Variants in LAMC3 observed in about 807,000 individuals in gnomAD.
LAMC3 encodes laminin subunit gamma-3.
LAMC3 carries 128 observed loss-of-function variants against 173.8 expected under a neutral mutation model. The ratio of observed to expected loss-of-function variants is 0.74; its 90% confidence interval spans 0.64 to 0.85. The LOEUF is 0.85. LAMC3 is among the 40% of genes least tolerant of loss of function. The pLI, the probability that LAMC3 is intolerant of heterozygous loss-of-function variation, is 0.00. For missense variants in LAMC3, 2,022 were observed against 2,156.0 expected, an observed-to-expected ratio of 0.94 and a Z score of 1.23; for synonymous variants, 897 against 909.1, an observed-to-expected ratio of 0.99 and a Z score of 0.24.
In LAMC3 at chr9:131,060,743, C is replaced by T. The variant is rs117684027; in HGVS notation, c.2159-292C>T. 2.2e-4 allele frequency among the ~76,000 whole-genome samples: 33 copies of T among 152,202 alleles called. No homozygotes were observed. The East Asian group carries it at 3.3e-3, about 15-fold the overall frequency. Reference sequence around the variant, plus strand: ...AATGCATGGTCTTGTTGGACCCTGACGAGAACCCTTTGAAGTCAGTGCTGT... The same window carrying T: ...AATGCATGGTCTTGTTGGACCCTGATGAGAACCCTTTGAAGTCAGTGCTGT... On this transcript the variant is annotated intron_variant, in intron 12 of 27. Coordinates refer to ENST00000361069, the MANE Select transcript of LAMC3 (RefSeq NM_006059.4).
chr9:131,052,375 C>A, intron 9 of LAMC3, 116 bp from the exon 10 acceptor site: 1 of 979,748 alleles, frequency 1.0e-6, no homozygotes, highest in Non-Finnish European at 1.6e-6. Flanking sequence ...TTTTGATTTT[C>A]TACCCACTGC....
At chr9:131,021,595 C>A (rs755470790) in intron 1 of LAMC3, among the ~76,000 whole-genome samples, 2 of 152,186 alleles carry the variant, frequency 1.3e-5, no homozygotes, top group Admixed American at 6.5e-5. Flanking sequence ...CCCCACCCAA[C>A]AAGCAGCGGT....
In LAMC3 at chr9:131,087,471, C is replaced by G. The variant is rs377305119; in HGVS notation, c.4231-5C>G. On this transcript the variant is annotated splice_polypyrimidine_tract_variant and splice_region_variant and intron_variant, in intron 25 of 27. Transcript: ENST00000361069. Reference sequence around the variant, plus strand: ...TTCTCCCTGCCACTGCCACCCATCCCATAGCTTGCCAAGGCCTTGCTGAGG... The same window carrying G: ...TTCTCCCTGCCACTGCCACCCATCCGATAGCTTGCCAAGGCCTTGCTGAGG... 3.0e-5 allele frequency: 49 copies of G among 1,613,772 alleles called. No individual in the cohort carries two copies. Among genetic ancestry groups the G allele is most frequent in the East Asian group, 2.7e-4 (12 of 44,890 alleles).
intron 4 of LAMC3, among the ~76,000 whole-genome samples, chr9:131,037,223 CAG>C (rs893682337): frequency 6.6e-6 from 1 of 152,226 alleles, no homozygotes; most frequent in Non-Finnish European, 1.5e-5. Context: ...GGTGGGGACA[CAG>C]AGGCCAGACT....
At chr9:131,015,277 TGC>T (rs1458104476) in intron 1 of LAMC3, among the ~76,000 whole-genome samples, 2 of 152,226 alleles carry the variant, frequency 1.3e-5, no homozygotes, top group African/African-American at 2.4e-5. Context: ...CCCCCAGCCT[TGC>T]AGGTGCCTCC....
rs375139277 is a variant in LAMC3 at position 131,039,017 on chromosome 9, G to C, written c.1130G>C (p.Arg377Pro). ...CQENFYHWDP[R>P]MPCQPCDCQS... is the part of the protein sequence containing the mutation. Reference sequence around the variant, plus strand: ...GAGAATTTCTATCACTGGGACCCGCGGATGCCATGCCAGCCCTGTGACTGC... The same window carrying C: ...GAGAATTTCTATCACTGGGACCCGCCGATGCCATGCCAGCCCTGTGACTGC... Residue 377 changes from arginine (R) to proline (P), a missense_variant, in exon 5 of 28, where the codon CGG becomes CCG. By Grantham distance (103) the Arg-to-Pro change is moderately radical. Coordinates refer to ENST00000361069, the MANE Select transcript of LAMC3 (RefSeq NM_006059.4). 6.2e-7 allele frequency: 1 copy of C among 1,613,540 alleles called. No homozygotes were observed. Among genetic ancestry groups the C allele is most frequent in the Admixed American group, 1.7e-5 (1 of 60,020 alleles).
intron 1 of LAMC3, among the ~76,000 whole-genome samples, chr9:131,015,161 C>T (rs1833497447): frequency 6.6e-6 from 1 of 152,200 alleles, no homozygotes; most frequent in Admixed American, 6.5e-5. Flanking sequence ...TGCCCAAGGC[C>T]ACAGAGCCAG....
chr9:131,048,969 C>T, intron 8 of LAMC3, 51 bp from the exon 9 acceptor site: 2 of 1,223,180 alleles, frequency 1.6e-6, no homozygotes, highest in South Asian at 1.4e-5. Flanking sequence ...ACCTGGAGAC[C>T]ACCCTCCGGG....
At position 131,056,967 on chromosome 9, in the gene LAMC3, C is replaced by A. The variant is rs374264939; in HGVS notation, c.1978C>A (p.Arg660=). ...FLTEVRLTSA[R]PGLSPPASWV... ...GACTGAGGTCCGGCTCACATCCGCC[C>A]GGCCAGGGCTTTCCCCGCCAGCCTC... The change falls in exon 12 of 28, where the codon CGG becomes AGG. Residue 660 remains arginine, a synonymous_variant. Coordinates refer to ENST00000361069, the MANE Select transcript of LAMC3 (RefSeq NM_006059.4). The A allele has an allele frequency of 1.2e-6, 2 of 1,613,792 alleles. No homozygotes were observed. Among genetic ancestry groups the A allele is most frequent in the African/African-American group, 1.3e-5 (1 of 75,058 alleles).
intron 1 of LAMC3, among the ~76,000 whole-genome samples, chr9:131,010,501 G>T (rs1200918698): frequency 2.0e-5 from 3 of 152,224 alleles, no homozygotes; most frequent in Non-Finnish European, 4.4e-5. Flanking sequence ...TCCTAGACCA[G>T]AACTGTTGGG....
At position 131,091,889 on chromosome 9, in the gene LAMC3, G is replaced by A; in HGVS notation, c.*102G>A. The A allele has an allele frequency of 1.4e-6, 2 of 1,441,148 alleles. No individual in the cohort carries two copies. 89.3% of individuals were successfully genotyped at this position (1,441,148 alleles called of 1,614,324 possible). The stretch of plus-strand genomic sequence containing the variant: ...TGTGCCCATACAGACATTCCCCGGA[G>A]CCGGCTGCTGTGAACTCGCCCCCGT... On this transcript the variant is annotated 3_prime_UTR_variant, in exon 28 of 28. Transcript: ENST00000361069.
intron 13 of LAMC3, among the ~76,000 whole-genome samples, chr9:131,064,484 A>G (rs1325382389): frequency 1.3e-5 from 2 of 150,946 alleles, no homozygotes; most frequent in African/African-American, 4.9e-5. Flanking sequence ...TAACACGGTG[A>G]AACCCCATCT....
intron 9 of LAMC3, among the ~76,000 whole-genome samples, 161 bp from the exon 10 acceptor site, chr9:131,052,330 G>A (rs907363959): frequency 6.6e-6 from 1 of 152,176 alleles, no homozygotes; most frequent in Admixed American, 6.5e-5. Context: ...CAGAGGTGTG[G>A]GTGGGCCCCC....
chr9:131,047,879 A>G (rs902768850), intron 8 of LAMC3, among the ~76,000 whole-genome samples: 6 of 150,932 alleles, frequency 4.0e-5, no homozygotes, highest in African/African-American at 7.3e-5. Context: ...AAAGAAAACA[A>G]GTAGTTTTTA....
intron 1 of LAMC3, among the ~76,000 whole-genome samples, chr9:131,012,060 C>CACACAG (rs1382067804): frequency 7.4e-6 from 1 of 135,862 alleles, no homozygotes; most frequent in Non-Finnish European, 1.6e-5. Context: ...CACACACACA[C>CACACAG]ATACACACAC....
At chr9:131,059,416 C>T (rs1829762120) in intron 12 of LAMC3, among the ~76,000 whole-genome samples, 1 of 134,846 alleles carries the variant, frequency 7.4e-6, no homozygotes, top group Non-Finnish European at 1.5e-5. Context: ...TGTTTGAACC[C>T]AGGGGGCGGA....
intron 7 of LAMC3, among the ~76,000 whole-genome samples, chr9:131,045,091 A>G (rs892108003): frequency 5.3e-5 from 8 of 151,946 alleles, no homozygotes; most frequent in African/African-American, 1.2e-4. Context: ...GTGTGGTGGC[A>G]GGCGCCTGCA....
intron 21 of LAMC3, 91 bp from the exon 22 acceptor site, chr9:131,077,096 C>T: frequency 1.9e-6 from 3 of 1,574,200 alleles, no homozygotes; most frequent in Admixed American, 1.7e-5. Context: ...TGGCAGAGGC[C>T]TTTGCAAACC....
chr9:131,034,408 A>G (rs922124721), intron 3 of LAMC3, among the ~76,000 whole-genome samples: 2 of 152,360 alleles, frequency 1.3e-5, no homozygotes, highest in South Asian at 4.1e-4. Context: ...GCCCTACCAC[A>G]CAGTGTGTCC....
Sources: allele counts gnomAD v4.1 joint callset (sites outside exome capture counted in the v4.1 genomes callset), GRCh38; gene constraint gnomAD v4.1.1; transcripts MANE v1.5; gene names NCBI Gene and HGNC (gene_info 2026-07-23, HGNC 2026-07-21).